USP54: variants seen among roughly 807,000 people sequenced by gnomAD.
USP54 encodes the protein ubiquitin specific peptidase 54, also known as ubiquitin carboxyl-terminal hydrolase 54.
USP54 carries 87 observed loss-of-function variants against 170.5 expected under a neutral mutation model. That is an observed-to-expected ratio of 0.51 (90% CI 0.43 to 0.61). USP54 has a LOEUF of 0.61. USP54 is among the 20% of genes least tolerant of loss of function. The probability of loss-of-function intolerance (pLI) is 0.00; values close to 1 mark genes in which losing one functional copy is unlikely to be tolerated. For synonymous variants in USP54, 655 were observed against 742.8 expected (o/e 0.88, Z 1.92); for missense variants, 1,786 against 2,047.8 (o/e 0.87, Z 2.47).
intron 1 of USP54, among the ~76,000 whole-genome samples, chr10:73,606,070 C>A (rs961841322): frequency 4.1e-5 from 6 of 147,962 alleles, no homozygotes; most frequent in Non-Finnish European, 7.4e-5. Context: ...CCCAGCCACT[C>A]GGGAGGCTGA....
chr10:73,509,797 C>T (rs1349713146), intron 20 of USP54, among the ~76,000 whole-genome samples: 9 of 151,664 alleles, frequency 5.9e-5, no homozygotes, highest in Admixed American at 2.6e-4. Context: ...TACTTGAGCT[C>T]AGGAGGTAGA....
intron 1 of USP54, among the ~76,000 whole-genome samples, chr10:73,606,644 C>T (rs888573150): frequency 8.6e-5 from 13 of 151,960 alleles, no homozygotes; most frequent in Admixed American, 6.6e-5. Flanking sequence ...TTTGGGAGGC[C>T]GAGGTGGGCA....
chr10:73,612,838 T>G (rs751253882), intron 1 of USP54, among the ~76,000 whole-genome samples: 9 of 76,620 alleles, frequency 1.2e-4, no homozygotes, highest in African/African-American at 1.6e-4. Context: ...AGACATTGTC[T>G]CAAAAAAAAA....
chr10:73,575,492 A>T lies in USP54; in HGVS notation c.147+20T>A. 6.4e-7 allele frequency: 1 copy of T among 1,567,972 alleles called. No homozygotes were observed. The highest frequency in any genetic ancestry group is 8.6e-7 in the Non-Finnish European group (1 of 1,161,238). On this transcript the variant is annotated intron_variant, in intron 3 of 23. Coordinates refer to ENST00000687698, the MANE Select transcript of USP54 (RefSeq NM_001391956.1). Reference sequence around the variant, plus strand: ...CAATTAAAAGTCAAAGTTCACCAAAAATAAAGAAATGACCCTTACCTGCAG... The same window carrying T: ...CAATTAAAAGTCAAAGTTCACCAAATATAAAGAAATGACCCTTACCTGCAG...
intron 1 of USP54, among the ~76,000 whole-genome samples, chr10:73,600,336 AGTG>A (rs1244380937): frequency 3.3e-5 from 5 of 152,100 alleles, no homozygotes; most frequent in African/African-American, 1.2e-4. Context: ...GTGGAAGGGA[AGTG>A]GGGGTAGCTA....
chr10:73,535,649 G>A (rs1485559707), intron 11 of USP54, among the ~76,000 whole-genome samples: 2 of 152,108 alleles, frequency 1.3e-5, no homozygotes, highest in African/African-American at 4.8e-5. Flanking sequence ...CTTAAGTTCT[G>A]AAAAATTAAC....
At chr10:73,565,005 T>C (rs1788780666) in intron 4 of USP54, among the ~76,000 whole-genome samples, 1 of 151,254 alleles carries the variant, frequency 6.6e-6, no homozygotes, top group Admixed American at 6.6e-5. Context: ...CCCAGGAAAC[T>C]GAGGCTGCAG....
chr10:73,518,067 C>T (rs1408907909), intron 19 of USP54: 1 of 687,086 alleles, frequency 1.5e-6, no homozygotes, highest in Non-Finnish European at 1.8e-6. Flanking sequence ...ATTCTACTTG[C>T]AAATTAGGAA....
Position 73,530,172 on chromosome 10 carries a change from G to A in USP54, c.1799C>T (p.Thr600Ile), listed in dbSNP as rs192942836. The change falls in exon 14 of 24, where the codon ACC becomes ATC. Residue 600 changes from threonine to isoleucine, a missense_variant. Around this residue, in one of 3 missense-constraint regions of USP54, gnomAD observed 1,418 missense variants for 1,569.0 expected, o/e 0.90. Coordinates refer to ENST00000687698, the MANE Select transcript of USP54 (RefSeq NM_001391956.1). ...ATCCTCAGAAAAGGGGCTAAGCTGG[G>A]TATAGCCACAGTGCTTCCTTTTGTC... ...SKDKRKHCGY[T>I]QLSPFSEDSA... is the part of the protein sequence containing the mutation. 3 of 1,613,508 alleles carry A rather than the reference G, an allele frequency of 1.9e-6. No homozygotes were observed. The highest frequency in any genetic ancestry group is 3.3e-5 in the Admixed American group (2 of 60,000).
At chr10:73,607,180 T>G (rs1013975939) in intron 1 of USP54, among the ~76,000 whole-genome samples, 9 of 151,730 alleles carry the variant, frequency 5.9e-5, no homozygotes, top group African/African-American at 2.2e-4. Context: ...TGTGGTGGCA[T>G]GCACCTGTAG....
At chr10:73,598,307 C>T (rs149534025) in intron 1 of USP54, among the ~76,000 whole-genome samples, 50 of 152,226 alleles carry the variant, frequency 3.3e-4, no homozygotes, top group African/African-American at 1.2e-3. Context: ...AGTTGGACTC[C>T]TATCTCACAC....
chr10:73,591,177 C>T (rs2078205300), intron 1 of USP54, 101 bp downstream of exon 1: 1 of 152,078 alleles, frequency 6.6e-6, no homozygotes. Flanking sequence ...TTAATCAGTG[C>T]TTGGGAATAT....
chr10:73,588,579 T>C (rs1214079315), intron 1 of USP54, among the ~76,000 whole-genome samples: 1 of 152,224 alleles, frequency 6.6e-6, no homozygotes, highest in African/African-American at 2.4e-5. Flanking sequence ...CCCAGACTAT[T>C]GCAGAAACTT....
At position 73,567,327 on chromosome 10, in the gene USP54, C is replaced by T. The variant is rs1260009772; in HGVS notation, c.240+4094G>A. On this transcript the variant is annotated intron_variant, in intron 4 of 23. Transcript: ENST00000687698. ...CATATTTACTGCATATACTTTGTTG[C>T]TATTATAAAATGCTTTTTAAATTGC... 3.3e-5 allele frequency among the ~76,000 whole-genome samples: 5 copies of T among 152,144 alleles called. No individual in the cohort carries two copies. The East Asian group carries it at 7.7e-4, about 23-fold the overall frequency.
Position 73,516,533 on chromosome 10 carries a change from T to C in USP54, c.3893A>G (p.Glu1298Gly), listed in dbSNP as rs1204686919. 4.3e-6 allele frequency: 7 copies of C among 1,614,084 alleles called. No homozygotes were observed. Among genetic ancestry groups the C allele is most frequent in the Non-Finnish European group, 5.9e-6 (7 of 1,180,048 alleles). Residue 1298 changes from glutamate (E) to glycine (G), a missense_variant, in exon 20 of 24, where the codon GAG (glutamate) becomes GGG (glycine). By Grantham distance (98) the Glu-to-Gly change is moderately conservative. Transcript: ENST00000687698. ...TGGATGCAAAAGGATGTGATTTCTCTCTGGATAGGTTACACACGTATGGGA... is the reference window on the plus strand; with the variant it reads ...TGGATGCAAAAGGATGTGATTTCTCCCTGGATAGGTTACACACGTATGGGA... ...HDSHTCVTYP[E>G]RNHILLHPHW...
chr10:73,543,011 A>C lies in USP54; in HGVS notation c.489+7T>G. On this transcript the variant is annotated splice_region_variant and intron_variant, in intron 6 of 23. Transcript: ENST00000687698. ...AATGTCTAAAAAAAGATGGAGCTAG[A>C]GTTCACCTGCTCAAACAATGTCATT... The C allele has an allele frequency of 6.2e-7, 1 of 1,612,678 alleles. No homozygotes were observed. The highest frequency in any genetic ancestry group is 8.5e-7 in the Non-Finnish European group (1 of 1,178,638).
chr10:73,610,290 A>G (rs112332726), intron 1 of USP54, among the ~76,000 whole-genome samples: 5,363 of 152,298 alleles, frequency 0.035, 154 homozygotes, highest in South Asian at 0.11. Flanking sequence ...TCCAAGACTT[A>G]ATAATTGTCA....
At chr10:73,540,085 C>T (rs765320091) in intron 9 of USP54, among the ~76,000 whole-genome samples, 8 of 151,244 alleles carry the variant, frequency 5.3e-5, no homozygotes, top group East Asian at 1.9e-4. Flanking sequence ...CCAGCCTGGG[C>T]GACAGAGCAA....
intron 1 of USP54, among the ~76,000 whole-genome samples, chr10:73,602,993 G>A (rs2079318776): frequency 6.6e-6 from 1 of 151,914 alleles, no homozygotes; most frequent in Admixed American, 6.6e-5. Context: ...ATAGGGTGCT[G>A]AACTGGGCTT....
Sources: allele counts gnomAD v4.1 joint callset (sites outside exome capture counted in the v4.1 genomes callset), GRCh38; gene constraint gnomAD v4.1.1; regional missense constraint gnomAD v4.1.1; transcripts MANE v1.5; gene names NCBI Gene and HGNC (gene_info 2026-07-23, HGNC 2026-07-21).